The following SMC4 variants were observed in gnomAD, a reference collection of about 807,000 sequenced individuals.
SMC4 encodes the protein structural maintenance of chromosomes protein 4.
A neutral mutation model predicts 145.6 loss-of-function variants in SMC4; 87 were observed. The ratio of observed to expected loss-of-function variants is 0.60; its 90% CI spans 0.50 to 0.71. SMC4 has a LOEUF of 0.71. SMC4 is among the 30% of genes least tolerant of loss of function. SMC4 has a pLI of 0.00. For missense variants in SMC4, 1,447 were observed against 1,537.1 expected, an observed-to-expected ratio of 0.94 and a Z score of 0.98; for synonymous variants, 558 against 500.7, an observed-to-expected ratio of 1.11 and a Z score of -1.53.
chr3:160,410,833 A>G (rs1485206829), intron 5 of SMC4, among the ~76,000 whole-genome samples: 1 of 152,190 alleles, frequency 6.6e-6, no homozygotes, highest in Non-Finnish European at 1.5e-5. Context: ...GGAAATAGGA[A>G]TCACTAAGAT....
Position 160,434,482 on chromosome 3 carries a change from C to G in SMC4, c.*673C>G, listed in dbSNP as rs1718772551. 1 of 152,100 alleles carries G rather than the reference C, an allele frequency of 6.6e-6. No homozygotes were observed. Among genetic ancestry groups the G allele is most frequent in the African/African-American group, 2.4e-5 (1 of 41,420 alleles). 9.4% of individuals were successfully genotyped at this position (152,100 alleles called of 1,614,324 possible). ...CTCTGATTTACACTGGTTCAATTTA[C>G]AAATTTTCAACTTTATGATAGGTTT... On this transcript the variant is annotated 3_prime_UTR_variant, in exon 24 of 24. Transcript: ENST00000357388.
At chr3:160,413,747 A>G (rs1716278030) in intron 8 of SMC4, 134 bp downstream of exon 8, 1 of 515,492 alleles carries the variant, frequency 1.9e-6, no homozygotes, top group Non-Finnish European at 3.2e-6. Flanking sequence ...CCCTTAGTGA[A>G]AAAAAAAAAC....
At chr3:160,400,279 C>CGG (rs919090904) in intron 1 of SMC4, 2 of 152,480 alleles carry the variant, frequency 1.3e-5, no homozygotes, top group African/African-American at 4.8e-5. Context: ...CGTTATGCCC[C>CGG]GGGCCGTCAA....
chr3:160,430,515 T>G (rs1355457994), intron 18 of SMC4, 84 bp from the exon 19 acceptor site: 1 of 1,171,380 alleles, frequency 8.5e-7, no homozygotes, highest in Non-Finnish European at 1.2e-6. Context: ...CACATTAAAT[T>G]TCATGAAAAG....
Position 160,434,000 on chromosome 3 carries a change from G to A in SMC4, c.*191G>A, listed in dbSNP as rs1718717935. ...AATTGCTTCTAGATTACAAAAATAT[G>A]ACAATCTTGTAAGTAGCAGACTATG... is the stretch of plus-strand genomic sequence containing the variant. On this transcript the variant is annotated 3_prime_UTR_variant, in exon 24 of 24. Transcript: ENST00000357388. 5 of 436,544 alleles carry A rather than the reference G, an allele frequency of 1.1e-5. No homozygotes were observed. The highest frequency in any genetic ancestry group is 2.0e-5 in the Non-Finnish European group (5 of 248,010). The allele number at this position is 436,544 out of a possible 1,614,324, so 27.0% of individuals were successfully genotyped here.
intron 16 of SMC4, among the ~76,000 whole-genome samples, 164 bp from the exon 17 acceptor site, chr3:160,425,910 G>A (rs1478586924): frequency 1.3e-5 from 2 of 152,096 alleles, no homozygotes; most frequent in African/African-American, 4.8e-5. Context: ...TACATATTTT[G>A]TGTTTGTTGG....
intron 7 of SMC4, among the ~76,000 whole-genome samples, chr3:160,413,268 GCCA>G (rs989049405): frequency 6.6e-6 from 1 of 151,986 alleles, no homozygotes; most frequent in African/African-American, 2.4e-5. Context: ...ACAGGCGTCG[GCCA>G]CCACATTGGT....
intron 3 of SMC4, 100 bp from the exon 4 acceptor site, chr3:160,402,576 T>C (rs1714821669): frequency 8.0e-7 from 1 of 1,243,232 alleles, no homozygotes; most frequent in African/African-American, 1.6e-5. Context: ...TTGCAGTTTT[T>C]AACTGCAAGT....
chr3:160,424,425 G>A (rs1039359206), intron 15 of SMC4, among the ~76,000 whole-genome samples: 1 of 152,080 alleles, frequency 6.6e-6, no homozygotes, highest in Admixed American at 6.6e-5. Flanking sequence ...CTTTCCATCT[G>A]ATTTTCTGAT....
intron 23 of SMC4, 34 bp downstream of exon 23, chr3:160,433,243 A>G (rs766339117): frequency 8.2e-6 from 12 of 1,461,944 alleles, no homozygotes; most frequent in Non-Finnish European, 1.9e-6. Flanking sequence ...CATTCCAGAA[A>G]CTTTTAGGGG....
chr3:160,417,043 C>T (rs1716666261), intron 10 of SMC4, among the ~76,000 whole-genome samples: 1 of 152,124 alleles, frequency 6.6e-6, no homozygotes, highest in Non-Finnish European at 1.5e-5. Context: ...TATGTATTAT[C>T]TACCCCAACA....
intron 22 of SMC4, 26 bp downstream of exon 22, chr3:160,432,541 TCC>T: frequency 5.1e-6 from 7 of 1,379,160 alleles, no homozygotes; most frequent in Non-Finnish European, 6.0e-6. Flanking sequence ...GAGTTTATAA[TCC>T]CACTGTTACC....
At chr3:160,401,037 C>G in intron 2 of SMC4, 72 bp downstream of exon 2, 1 of 1,354,312 alleles carries the variant, frequency 7.4e-7, no homozygotes, top group Non-Finnish European at 9.4e-7. Context: ...CAGCCCGAGG[C>G]TGGCTGGGGT....
At chr3:160,420,998 T>C in intron 13 of SMC4, 97 bp downstream of exon 13, 1 of 995,244 alleles carries the variant, frequency 1.0e-6, no homozygotes, top group Non-Finnish European at 1.4e-6. Flanking sequence ...GGCATGATCT[T>C]GGCTCACTGC....
Position 160,400,935 on chromosome 3 carries a change from G to C in SMC4, c.109G>C (p.Gly37Arg). Reference sequence around the variant, plus strand: ...CGACGCGGAGCCTGAGCCGCCGTCCGGCCGCACGGAGAGCCCAGCCACCGC... The same window carrying C: ...CGACGCGGAGCCTGAGCCGCCGTCCCGCCGCACGGAGAGCCCAGCCACCGC... ...SSDAEPEPPS[G>R]RTESPATAAE... Residue 37 changes from glycine to arginine, a missense_variant, in exon 2 of 24, where the codon GGC (glycine) becomes CGC (arginine). Transcript: ENST00000357388. The C allele has an allele frequency of 6.8e-7, 1 of 1,465,210 alleles. No homozygotes were observed. Among genetic ancestry groups the C allele is most frequent in the Non-Finnish European group, 8.9e-7 (1 of 1,118,694 alleles). 90.8% of individuals were successfully genotyped at this position (1,465,210 alleles called of 1,614,324 possible).
At chr3:160,429,116 C>T (rs2108500921) in intron 18 of SMC4, among the ~76,000 whole-genome samples, 174 bp downstream of exon 18, 1 of 152,206 alleles carries the variant, frequency 6.6e-6, no homozygotes, top group South Asian at 2.1e-4. Flanking sequence ...AACATTTATC[C>T]TATGGCCAAT....
chr3:160,424,812 T>G (rs1369611023), intron 15 of SMC4, 55 bp from the exon 16 acceptor site: 2 of 1,601,456 alleles, frequency 1.2e-6, no homozygotes, highest in Non-Finnish European at 1.7e-6. Context: ...GTTTTCTTCG[T>G]AAGTTGACTT....
intron 9 of SMC4, 56 bp from the exon 10 acceptor site, chr3:160,416,195 G>C: frequency 5.7e-6 from 7 of 1,237,110 alleles, no homozygotes; most frequent in Non-Finnish European, 7.6e-6. Flanking sequence ...GTCAAATATT[G>C]ATAGTATTGG....
chr3:160,419,122 A>C (rs1040240946), intron 11 of SMC4, among the ~76,000 whole-genome samples: 3 of 152,338 alleles, frequency 2.0e-5, no homozygotes, highest in Non-Finnish European at 4.4e-5. Context: ...CCTGAAAAAA[A>C]TATTACACCT....
Sources: gnomAD v4.1 joint callset for allele counts (sites outside exome capture counted in the v4.1 genomes callset) on GRCh38, gnomAD v4.1.1 for gene constraint, MANE v1.5 for transcripts, NCBI Gene and HGNC (gene_info 2026-07-23, HGNC 2026-07-21) for gene names.